ANAPC4: variants seen among roughly 807,000 people sequenced by gnomAD.
The protein encoded by ANAPC4 is anaphase-promoting complex subunit 4.
ANAPC4 carries 63 observed loss-of-function variants against 119.8 expected under a neutral mutation model. The ratio of observed to expected loss-of-function variants is 0.53; its 90% CI spans 0.43 to 0.65. ANAPC4 has a LOEUF of 0.65. Among genes scored for constraint, ANAPC4 ranks in the 30% least tolerant of loss-of-function variants. The probability of loss-of-function intolerance (pLI) is 0.00; values close to 1 mark genes in which losing one functional copy is unlikely to be tolerated. For synonymous variants in ANAPC4, 283 were observed against 318.6 expected (o/e 0.89, Z 1.19); for missense variants, 716 against 945.1 (o/e 0.76, Z 3.18).
intron 22 of ANAPC4, chr4:25,414,001 A>G (rs1723721755): frequency 4.2e-6 from 2 of 478,612 alleles, no homozygotes; most frequent in South Asian, 3.7e-5. Context: ...ATTTGTTCCC[A>G]GAAGAAATTC....
At chr4:25,381,385 A>G (rs186319094) in intron 3 of ANAPC4, among the ~76,000 whole-genome samples, 1 of 152,204 alleles carries the variant, frequency 6.6e-6, no homozygotes, top group East Asian at 1.9e-4. Flanking sequence ...CCTTGGGCTC[A>G]CTGAAACCTT....
intron 4 of ANAPC4, among the ~76,000 whole-genome samples, chr4:25,384,679 A>G (rs113760550): frequency 1.4e-3 from 211 of 152,038 alleles, no homozygotes; most frequent in African/African-American, 4.9e-3. Flanking sequence ...CGTGGTAGCT[A>G]TAGTCCCAGC....
At chr4:25,385,461 T>G (rs139780484) in intron 4 of ANAPC4, among the ~76,000 whole-genome samples, 19 of 152,350 alleles carry the variant, frequency 1.2e-4, no homozygotes, top group African/African-American at 4.3e-4. Context: ...CTCAGCACTT[T>G]CATAGAATTG....
At chr4:25,406,440 T>C (rs1230869557) in intron 18 of ANAPC4, among the ~76,000 whole-genome samples, 1 of 152,224 alleles carries the variant, frequency 6.6e-6, no homozygotes, top group Non-Finnish European at 1.5e-5. Context: ...GAGCCTACAC[T>C]GAAGCAGACA....
chr4:25,405,426 T>G lies in ANAPC4; in HGVS notation c.1271-147T>G. Reference sequence around the variant, plus strand: ...TTTAAGTTCTGGCACCCCTTAGTTTTTGGAAGAAAAATGTTTTTGTTGGTG... The same window carrying G: ...TTTAAGTTCTGGCACCCCTTAGTTTGTGGAAGAAAAATGTTTTTGTTGGTG... On this transcript the variant is annotated intron_variant, in intron 17 of 28. Transcript: ENST00000315368. This position sits in a 1 kb window ranked among gnomAD's most constrained non-coding sequence, Gnocchi z 4.6. The G allele has an allele frequency of 1.4e-6, 1 of 693,210 alleles. No individual in the cohort carries two copies. Among genetic ancestry groups the G allele is most frequent in the East Asian group, 2.8e-5 (1 of 35,160 alleles). 42.9% of individuals were successfully genotyped at this position (693,210 alleles called of 1,614,324 possible).
At chr4:25,393,747 A>G in intron 10 of ANAPC4, 58 bp from the exon 11 acceptor site, 1 of 1,014,910 alleles carries the variant, frequency 9.9e-7, no homozygotes, top group Non-Finnish European at 1.5e-6. Flanking sequence ...CATATTATTT[A>G]GATAGCAAGT....
chr4:25,380,979 G>C (rs139699863), intron 3 of ANAPC4, among the ~76,000 whole-genome samples: 8 of 152,074 alleles, frequency 5.3e-5, no homozygotes, highest in African/African-American at 1.7e-4. Context: ...CTTTCTTCTG[G>C]TACCCTCTTA....
intron 26 of ANAPC4, 25 bp downstream of exon 26, chr4:25,415,565 G>A (rs1457611507): frequency 1.3e-6 from 2 of 1,587,706 alleles, no homozygotes; most frequent in Non-Finnish European, 1.7e-6. Flanking sequence ...TTGTTTGGAT[G>A]AAATGTAGAT....
At chr4:25,388,781 C>T (rs1337847349) in intron 6 of ANAPC4, 38 bp downstream of exon 6, 1 of 1,602,820 alleles carries the variant, frequency 6.2e-7, no homozygotes, top group Non-Finnish European at 8.5e-7. Context: ...GTAAGATAAT[C>T]TGCTATTATT....
rs751278190 is a variant in ANAPC4 at position 25,394,840 on chromosome 4, G to C, written c.996G>C (p.Lys332Asn). 6 of 1,612,464 alleles carry C rather than the reference G, an allele frequency of 3.7e-6. No individual in the cohort carries two copies. Among genetic ancestry groups the C allele is most frequent in the Non-Finnish European group, 5.1e-6 (6 of 1,179,544 alleles). ...MNQLTVKGLK[K>N]LGQSIESSYS... Reference sequence around the variant, plus strand: ...CCTTTTTTAATTAGGGCTTGAAAAAGCTTGGCCAGTCTATAGAGTCATCAT... The same window carrying C: ...CCTTTTTTAATTAGGGCTTGAAAAACCTTGGCCAGTCTATAGAGTCATCAT... The change falls in exon 14 of 29, where the codon AAG (lysine) becomes AAC (asparagine). Residue 332 changes from lysine to asparagine, a missense_variant. Coordinates refer to ENST00000315368, the MANE Select transcript of ANAPC4 (RefSeq NM_013367.3).
chr4:25,389,872 T>C (rs925138713), intron 7 of ANAPC4, among the ~76,000 whole-genome samples: 1 of 152,170 alleles, frequency 6.6e-6, no homozygotes, highest in Non-Finnish European at 1.5e-5. Context: ...TGTATAAATA[T>C]AGTTGTTATT....
At chr4:25,407,754 G>A (rs1260621355) in intron 20 of ANAPC4, among the ~76,000 whole-genome samples, 1 of 151,974 alleles carries the variant, frequency 6.6e-6, no homozygotes, top group African/African-American at 2.4e-5. Context: ...TACCAGCCAG[G>A]CATTGTGGCT....
intron 2 of ANAPC4, among the ~76,000 whole-genome samples, chr4:25,379,457 A>G (rs1721596486): frequency 1.3e-5 from 2 of 152,188 alleles, no homozygotes; most frequent in South Asian, 4.2e-4. Flanking sequence ...AAGAAATGGC[A>G]TCAAGCATCA....
At chr4:25,383,429 A>G (rs1309073848) in intron 4 of ANAPC4, 36 bp downstream of exon 4, 2 of 1,503,218 alleles carry the variant, frequency 1.3e-6, no homozygotes, top group Admixed American at 4.5e-5. Flanking sequence ...TAGGGTATTC[A>G]TGAGATTTTT....
intron 10 of ANAPC4, among the ~76,000 whole-genome samples, chr4:25,393,560 G>T (rs1229476231): frequency 6.6e-6 from 1 of 152,156 alleles, no homozygotes; most frequent in African/African-American, 2.4e-5. Flanking sequence ...TACTTGGGAG[G>T]CTGAGGCAGG....
Position 25,388,868 on chromosome 4 carries a change from C to A in ANAPC4, c.501C>A (p.Leu167=), listed in dbSNP as rs753808827. Residue 167 remains leucine (L), a synonymous_variant, in exon 7 of 29, where the codon CTC becomes CTA. Coordinates refer to ENST00000315368, the MANE Select transcript of ANAPC4 (RefSeq NM_013367.3). Reference sequence around the variant, plus strand: ...AAAATTCTGATGAAATTATTAAGCTCTTGGGAGACGTCAGGTAAATCTTAC... The same window carrying A: ...AAAATTCTGATGAAATTATTAAGCTATTGGGAGACGTCAGGTAAATCTTAC... ...SEENSDEIIK[L]LGDVRLNILV... 18 of 1,600,032 alleles carry A rather than the reference C, an allele frequency of 1.1e-5. No homozygotes were observed. The highest frequency in any genetic ancestry group is 1.5e-5 in the Non-Finnish European group (18 of 1,171,602).
intron 2 of ANAPC4, among the ~76,000 whole-genome samples, chr4:25,380,139 G>A (rs189230381): frequency 1.0e-3 from 159 of 152,258 alleles, no homozygotes; most frequent in Non-Finnish European, 1.4e-3. Context: ...TTTATAAAAG[G>A]TAAGTCTCCC....
At chr4:25,396,937 A>G in intron 16 of ANAPC4, 38 bp downstream of exon 16, 1 of 1,563,192 alleles carries the variant, frequency 6.4e-7, no homozygotes, top group Non-Finnish European at 8.7e-7. Context: ...TGACCTAAGA[A>G]TATGTCACTT....
At chr4:25,410,077 A>G (rs1379805275) in intron 21 of ANAPC4, among the ~76,000 whole-genome samples, 1 of 152,202 alleles carries the variant, frequency 6.6e-6, no homozygotes, top group East Asian at 1.9e-4. Context: ...TTTGAGGGAA[A>G]CTATAGAGCC....
Sources: gnomAD v4.1 joint callset for allele counts (sites outside exome capture counted in the v4.1 genomes callset) on GRCh38, gnomAD v4.1.1 for gene constraint, Gnocchi (gnomAD v3.1) non-coding constraint, MANE v1.5 for transcripts, NCBI Gene and HGNC (gene_info 2026-07-23, HGNC 2026-07-21) for gene names.